ADCY1: variants seen among roughly 807,000 people sequenced by gnomAD.
ADCY1 encodes the protein adenylate cyclase 1.
Under a neutral mutation model 105.4 loss-of-function variants are expected in ADCY1, and 28 were observed. The observed-to-expected ratio is 0.27, with a 90% CI of 0.20 to 0.36. The LOEUF (loss-of-function observed/expected upper bound fraction) is 0.36, where lower values mean the gene tolerates loss of function less well. Ranked by LOEUF, ADCY1 falls within the 10% of genes least tolerant of loss-of-function variation. The pLI is 1.00. For missense variants in ADCY1, 977 were observed against 1,434.2 expected (o/e 0.68, Z 5.15); for synonymous variants, 655 against 623.8 (o/e 1.05, Z -0.75).
chr7:45,610,029 G>A (rs534343581), intron 2 of ADCY1, among the ~76,000 whole-genome samples: 2 of 152,274 alleles, frequency 1.3e-5, no homozygotes, highest in Admixed American at 6.5e-5. Context: ...ACTCTTTCTG[G>A]GATATTGTTG....
At chr7:45,602,459 G>C (rs1478477168) in intron 2 of ADCY1, among the ~76,000 whole-genome samples, 1 of 152,154 alleles carries the variant, frequency 6.6e-6, no homozygotes, top group African/African-American at 2.4e-5. Flanking sequence ...CTGTTCCTCA[G>C]ATGCCATTAT....
In ADCY1 at chr7:45,591,206, C is replaced by T. The variant is rs1002084658; in HGVS notation, c.640-1553C>T. Among the ~76,000 whole-genome samples, 1 of 152,164 alleles carries T rather than the reference C, an allele frequency of 6.6e-6. No individual in the cohort carries two copies. The highest frequency in any genetic ancestry group is 2.4e-5 in the African/African-American group (1 of 41,420). On this transcript the variant is annotated intron_variant, in intron 1 of 19. Coordinates refer to ENST00000297323, the MANE Select transcript of ADCY1 (RefSeq NM_021116.4). The surrounding 1 kb of genome is among the most constrained non-coding windows in gnomAD (Gnocchi z 4.1). ...TCCTCTCCCCTCCCTGTGGCCCCTG[C>T]CCCTGGTCAGTCTCAGCTCTCCTAC...
At chr7:45,704,805 C>T (rs901589298) in intron 17 of ADCY1, among the ~76,000 whole-genome samples, 189 bp downstream of exon 17, 1 of 152,122 alleles carries the variant, frequency 6.6e-6, no homozygotes, top group Non-Finnish European at 1.5e-5. Context: ...AAAGTCAGCA[C>T]AGAAGGCACC....
chr7:45,686,736 A>G lies in ADCY1; in HGVS notation c.2454+63A>G. ...TTTAGAGGAGGAAGAAGTCTTCAGC[A>G]AGCATCTGACGGGGGCTGCCACAGA... is the stretch of plus-strand genomic sequence containing the variant. On this transcript the variant is annotated intron_variant, in intron 14 of 19. Transcript: ENST00000297323. This position sits in a 1 kb window ranked among gnomAD's most constrained non-coding sequence, Gnocchi z 4.3. 2 of 1,544,632 alleles carry G rather than the reference A, an allele frequency of 1.3e-6. No individual in the cohort carries two copies. Among genetic ancestry groups the G allele is most frequent in the Non-Finnish European group, 1.7e-6 (2 of 1,143,564 alleles).
rs752522509 is a variant in ADCY1, at chr7:45,592,826, A to C, written c.707A>C (p.Glu236Ala). Residue 236 changes from glutamate to alanine, a missense_variant, in exon 2 of 20, where the codon GAG becomes GCG. Around this residue, in one of 7 missense-constraint regions of ADCY1, gnomAD observed 196 missense variants for 347.8 expected, o/e 0.56. Coordinates refer to ENST00000297323, the MANE Select transcript of ADCY1 (RefSeq NM_021116.4). ...GGGGTCTTTGTGCGGATTCTGACTG[A>C]GCGTTCACAGAGGAAGGCGTTCCTG... is the stretch of plus-strand genomic sequence containing the variant. ...MYGVFVRILT[E>A]RSQRKAFLQA... is the part of the protein sequence containing the mutation. 6.2e-7 allele frequency: 1 copy of C among 1,614,164 alleles called. No homozygotes were observed.
chr7:45,635,601 G>GGTTTTTTTTTTTT (rs1794379951), intron 4 of ADCY1, among the ~76,000 whole-genome samples: 1 of 57,196 alleles, frequency 1.7e-5, no homozygotes, highest in African/African-American at 7.0e-5. Context: ...AATTTCTCTT[G>GGTTTTTTTTTTTT]TTTTTTTTTT....
chr7:45,690,164 A>T (rs114776241), intron 14 of ADCY1, among the ~76,000 whole-genome samples: 2,122 of 152,272 alleles, frequency 0.014, 39 homozygotes, highest in African/African-American at 0.047. Context: ...GGTCGTGTGG[A>T]GTCTGGCCAC....
intron 2 of ADCY1, among the ~76,000 whole-genome samples, chr7:45,603,023 A>G (rs368557911): frequency 6.6e-6 from 1 of 152,274 alleles, no homozygotes; most frequent in East Asian, 1.9e-4. Flanking sequence ...CCATAGATTT[A>G]CCTGTTCTGG....
In ADCY1 at chr7:45,708,278, C is replaced by A; in HGVS notation, c.2818-72C>A. 1 of 1,005,228 alleles carries A rather than the reference C, an allele frequency of 9.9e-7. No individual in the cohort carries two copies. Among genetic ancestry groups the A allele is most frequent in the Non-Finnish European group, 1.6e-6 (1 of 638,866 alleles). The allele number at this position is 1,005,228 out of a possible 1,614,324, so 62.3% of individuals were successfully genotyped here. ...CCTCTGAAAGTGCAGCTGTTGGGCACTGCAGGTTGGTCCCTGGCCCCCTCT... is the reference window on the plus strand; with the variant it reads ...CCTCTGAAAGTGCAGCTGTTGGGCAATGCAGGTTGGTCCCTGGCCCCCTCT... On this transcript the variant is annotated intron_variant, in intron 17 of 19. Transcript: ENST00000297323. This position sits in a 1 kb window ranked among gnomAD's most constrained non-coding sequence, Gnocchi z 4.7.
chr7:45,609,100 G>C (rs986715315), intron 2 of ADCY1, among the ~76,000 whole-genome samples: 1 of 152,256 alleles, frequency 6.6e-6, no homozygotes, highest in Non-Finnish European at 1.5e-5. Flanking sequence ...TATCTGCCAT[G>C]TGGAACAGAG....
chr7:45,604,819 A>G (rs1250224392), intron 2 of ADCY1, among the ~76,000 whole-genome samples: 1 of 152,076 alleles, frequency 6.6e-6, no homozygotes, highest in Non-Finnish European at 1.5e-5. Context: ...CTTTTCCTTT[A>G]TATTTAAGTG....
chr7:45,657,498 T>G (rs751956521), intron 5 of ADCY1, among the ~76,000 whole-genome samples: 7 of 152,216 alleles, frequency 4.6e-5, no homozygotes, highest in Non-Finnish European at 1.0e-4. Flanking sequence ...GCGAGCTGGC[T>G]GGGAGCATGG....
At position 45,719,896 on chromosome 7, in the gene ADCY1, T is replaced by C. The variant is rs1264880089; in HGVS notation, c.*5901T>C. 6.6e-6 allele frequency: 1 copy of C among 152,176 alleles called. No individual in the cohort carries two copies. Among genetic ancestry groups the C allele is most frequent in the African/African-American group, 2.4e-5 (1 of 41,448 alleles). 9.4% of individuals were successfully genotyped at this position (152,176 alleles called of 1,614,324 possible). A position where few individuals can be genotyped will look rare whatever the true frequency, so the allele number is the denominator to read the frequency against. On this transcript the variant is annotated 3_prime_UTR_variant, in exon 20 of 20. Coordinates refer to ENST00000297323, the MANE Select transcript of ADCY1 (RefSeq NM_021116.4). ...AGCATCTCAGACATCAAGTCAACTT[T>C]ATCATCTACTACATCAGCACTGAAG...
At chr7:45,583,781 C>G (rs1792633247) in intron 1 of ADCY1, among the ~76,000 whole-genome samples, 1 of 151,976 alleles carries the variant, frequency 6.6e-6, no homozygotes, top group Admixed American at 6.6e-5. Flanking sequence ...GCTGGGATTA[C>G]AGGCATGCAC....
rs1784685273 is a variant in ADCY1 at position 45,686,749 on chromosome 7, G to A, written c.2454+76G>A. On this transcript the variant is annotated intron_variant, in intron 14 of 19. Transcript: ENST00000297323. This position sits in a 1 kb window ranked among gnomAD's most constrained non-coding sequence, Gnocchi z 4.3. Reference sequence around the variant, plus strand: ...GAAGTCTTCAGCAAGCATCTGACGGGGGCTGCCACAGACACCCACACGCCG... The same window carrying A: ...GAAGTCTTCAGCAAGCATCTGACGGAGGCTGCCACAGACACCCACACGCCG... The A allele has an allele frequency of 2.0e-5, 30 of 1,521,638 alleles. No homozygotes were observed. In the South Asian group the frequency reaches 3.6e-4, roughly 18 times the overall value. The allele number at this position is 1,521,638 out of a possible 1,614,324, so 94.3% of individuals were successfully genotyped here. A position where few individuals can be genotyped will look rare whatever the true frequency, so the allele number is the denominator to read the frequency against.
intron 4 of ADCY1, among the ~76,000 whole-genome samples, chr7:45,645,554 G>A (rs1794637735): frequency 6.6e-6 from 1 of 152,046 alleles, no homozygotes; most frequent in Admixed American, 6.5e-5. Flanking sequence ...CATCCCTTCA[G>A]CAGCCTTGTC....
At position 45,641,902 on chromosome 7, in the gene ADCY1, C is replaced by T. The variant is rs940555373; in HGVS notation, c.1021-6768C>T. Among the ~76,000 whole-genome samples, 405 of 95,874 alleles carry T rather than the reference C, an allele frequency of 4.2e-3. 2 individuals carry two copies. Among genetic ancestry groups the T allele is most frequent in the African/African-American group, 0.016 (391 of 24,726 alleles). 62.9% of individuals were successfully genotyped at this position (95,874 alleles called of 152,430 possible). A position where few individuals can be genotyped will look rare whatever the true frequency, so the allele number is the denominator to read the frequency against. On this transcript the variant is annotated intron_variant, in intron 4 of 19. Coordinates refer to ENST00000297323, the MANE Select transcript of ADCY1 (RefSeq NM_021116.4). Reference sequence around the variant, plus strand: ...GATTGCGCCACTGCAGTCCGCAGTCCGGCCTGGGCGACAGAGCGAGACTCC... The same window carrying T: ...GATTGCGCCACTGCAGTCCGCAGTCTGGCCTGGGCGACAGAGCGAGACTCC...
chr7:45,650,753 C>T (rs12702161), intron 5 of ADCY1, among the ~76,000 whole-genome samples: 9,711 of 152,120 alleles, frequency 0.064, 401 homozygotes, highest in African/African-American at 0.11. Flanking sequence ...AGGGTGCTGT[C>T]CTTCCTTCTA....
intron 14 of ADCY1, among the ~76,000 whole-genome samples, chr7:45,702,280 T>G (rs529029440): frequency 6.6e-6 from 1 of 152,288 alleles, no homozygotes; most frequent in East Asian, 1.9e-4. Context: ...AGTACAACCC[T>G]ACAAGTGTTC....
Sources: allele counts gnomAD v4.1 joint callset (sites outside exome capture counted in the v4.1 genomes callset), GRCh38; gene constraint gnomAD v4.1.1; regional missense constraint gnomAD v4.1.1; non-coding constraint Gnocchi (gnomAD v3.1); transcripts MANE v1.5; gene names NCBI Gene and HGNC (gene_info 2026-07-23, HGNC 2026-07-21).